The following FBXO10 variants were observed in gnomAD, a reference collection of about 807,000 sequenced individuals.
FBXO10 encodes the protein F-box only protein 10.
Under a neutral mutation model 80.7 loss-of-function variants are expected in FBXO10, and 39 were observed. That is an observed-to-expected ratio of 0.48 (90% confidence interval 0.37 to 0.63). The LOEUF (loss-of-function observed/expected upper bound fraction) is 0.63, where lower values mean the gene tolerates loss of function less well. FBXO10 is among the 30% of genes least tolerant of loss of function. The probability of loss-of-function intolerance (pLI) is 0.00; values close to 1 mark genes in which losing one functional copy is unlikely to be tolerated. For missense variants in FBXO10, 1,025 were observed against 1,269.0 expected (o/e 0.81, Z 2.92); for synonymous variants, 449 against 489.6 (o/e 0.92, Z 1.09).
At chr9:37,549,299 G>C (rs1286995557) in intron 1 of FBXO10, among the ~76,000 whole-genome samples, 1 of 152,114 alleles carries the variant, frequency 6.6e-6, no homozygotes, top group Admixed American at 6.6e-5. Flanking sequence ...CCAGAGAACA[G>C]CTCTAGCCAA....
intron 1 of FBXO10, among the ~76,000 whole-genome samples, chr9:37,545,085 C>T (rs1197672015): frequency 7.9e-5 from 12 of 151,618 alleles, no homozygotes; most frequent in Non-Finnish European, 1.5e-5. Context: ...TCTGCCACTC[C>T]CCAAGATGGA....
At chr9:37,531,448 ATCAAAC>A (rs1360420558) in intron 4 of FBXO10, among the ~76,000 whole-genome samples, 3 of 152,226 alleles carry the variant, frequency 2.0e-5, no homozygotes, top group Admixed American at 6.5e-5. Flanking sequence ...CGGGTAGAAA[ATCAAAC>A]TCAATATGCC....
At chr9:37,520,792 A>G (rs939495000) in intron 8 of FBXO10, among the ~76,000 whole-genome samples, 7 of 152,174 alleles carry the variant, frequency 4.6e-5, no homozygotes, top group Admixed American at 3.3e-4. Context: ...ATTTTGAGAA[A>G]TGTATCCTAG....
intron 1 of FBXO10, among the ~76,000 whole-genome samples, chr9:37,559,097 C>A (rs1822411031): frequency 6.6e-6 from 1 of 152,192 alleles, no homozygotes; most frequent in Non-Finnish European, 1.5e-5. Flanking sequence ...GCATGAGCCA[C>A]CGCGCCTGGC....
rs929962599 is a variant in FBXO10 at position 37,536,577 on chromosome 9, G to A, written c.1419+533C>T. 3.3e-5 allele frequency among the ~76,000 whole-genome samples: 5 copies of A among 152,078 alleles called. 1 individual carries two copies. Among genetic ancestry groups the A allele is most frequent in the Admixed American group, 1.3e-4 (2 of 15,246 alleles). On this transcript the variant is annotated intron_variant, in intron 3 of 10. Transcript: ENST00000432825. Reference sequence around the variant, plus strand: ...CTTCATCCTTCAACCTAGCCCCACCGCATGGTTGAATTCAACCTCACACCC... The same window carrying A: ...CTTCATCCTTCAACCTAGCCCCACCACATGGTTGAATTCAACCTCACACCC...
At chr9:37,549,048 A>T (rs557758399) in intron 1 of FBXO10, among the ~76,000 whole-genome samples, 1 of 151,976 alleles carries the variant, frequency 6.6e-6, no homozygotes, top group Non-Finnish European at 1.5e-5. Flanking sequence ...GCACCTGGGG[A>T]TCTTTCTAAA....
At chr9:37,544,032 C>T (rs572407327) in intron 1 of FBXO10, among the ~76,000 whole-genome samples, 8 of 152,192 alleles carry the variant, frequency 5.3e-5, no homozygotes, top group South Asian at 2.1e-4. Context: ...TTTGGGATGC[C>T]GAGGCAGGTG....
chr9:37,524,606 C>T (rs746436606), intron 6 of FBXO10, among the ~76,000 whole-genome samples: 7 of 152,058 alleles, frequency 4.6e-5, no homozygotes, highest in Non-Finnish European at 7.4e-5. Context: ...ACAGAGGAGA[C>T]GGACACCACA....
At chr9:37,525,377 AG>A (rs1404613072) in intron 5 of FBXO10, among the ~76,000 whole-genome samples, 1 of 152,132 alleles carries the variant, frequency 6.6e-6, no homozygotes, top group Non-Finnish European at 1.5e-5. Flanking sequence ...TCAAGTCCAC[AG>A]GGGCATAAAA....
intron 1 of FBXO10, among the ~76,000 whole-genome samples, chr9:37,574,106 G>A (rs1822830975): frequency 6.6e-6 from 1 of 152,144 alleles, no homozygotes; most frequent in African/African-American, 2.4e-5. Context: ...CCATCTCTGA[G>A]AGCTCTTGCT....
intron 1 of FBXO10, among the ~76,000 whole-genome samples, chr9:37,546,183 T>C (rs1822051564): frequency 6.6e-6 from 1 of 151,136 alleles, no homozygotes. Flanking sequence ...AAAGGAAACA[T>C]AGGAGGTGAG....
intron 1 of FBXO10, among the ~76,000 whole-genome samples, chr9:37,562,715 T>C (rs1344411828): frequency 6.6e-6 from 1 of 152,094 alleles, no homozygotes; most frequent in Admixed American, 6.6e-5. Context: ...TCATTAGCAA[T>C]AGATTCCCTG....
At chr9:37,542,462 G>A (rs950569934) in intron 1 of FBXO10, among the ~76,000 whole-genome samples, 10 of 151,970 alleles carry the variant, frequency 6.6e-5, no homozygotes, top group Non-Finnish European at 1.5e-4. Context: ...GGGCATGGTG[G>A]TGCATGCCTG....
intron 5 of FBXO10, among the ~76,000 whole-genome samples, chr9:37,528,407 G>A (rs7027892): frequency 0.22 from 32,971 of 152,092 alleles, 5,769 homozygotes; most frequent in African/African-American, 0.49. Flanking sequence ...CACCGTCAAC[G>A]GTTTGCTAAC....
At position 37,550,307 on chromosome 9, in the gene FBXO10, T is replaced by A. The variant is rs1279553004; in HGVS notation, c.-6-8533A>T. On this transcript the variant is annotated intron_variant, in intron 1 of 10. Transcript: ENST00000432825. The stretch of plus-strand genomic sequence containing the variant: ...AAGTGATTGTTCCGCCTCAGCCTCC[T>A]GAGTAGCTGGTATTACAGGCACCCG... Among the ~76,000 whole-genome samples the A allele has an allele frequency of 2.0e-5, 3 of 147,700 alleles. No individual in the cohort carries two copies. In the East Asian group the frequency reaches 6.2e-4, roughly 31 times the overall value.
chr9:37,513,086 C>T (rs1821104072), intron 10 of FBXO10, among the ~76,000 whole-genome samples: 1 of 151,990 alleles, frequency 6.6e-6, no homozygotes, highest in Non-Finnish European at 1.5e-5. Flanking sequence ...CCACCTCAGC[C>T]TCCCAAAGTG....
chr9:37,547,518 G>A (rs959149168), intron 1 of FBXO10, among the ~76,000 whole-genome samples: 7 of 152,174 alleles, frequency 4.6e-5, no homozygotes, highest in African/African-American at 1.7e-4. Flanking sequence ...GGTTGAGGTA[G>A]GAGGATCACT....
chr9:37,522,749 C>T (rs1588827059), intron 7 of FBXO10, 76 bp downstream of exon 7: 1 of 1,500,866 alleles, frequency 6.7e-7, no homozygotes, highest in Middle Eastern at 1.9e-4. Context: ...AGGCAGTGAC[C>T]TTCTCAGGAC....
At chr9:37,564,514 C>T (rs145321746) in intron 1 of FBXO10, among the ~76,000 whole-genome samples, 61 of 152,272 alleles carry the variant, frequency 4.0e-4, no homozygotes, top group Middle Eastern at 3.4e-3. Flanking sequence ...TGAAAGCAGC[C>T]AGGAGGTGGG....
Sources: gnomAD v4.1 joint callset for allele counts (sites outside exome capture counted in the v4.1 genomes callset) on GRCh38, gnomAD v4.1.1 for gene constraint, MANE v1.5 for transcripts, NCBI Gene and HGNC (gene_info 2026-07-23, HGNC 2026-07-21) for gene names.